The following NAP1L1 variants were observed in gnomAD, a reference collection of about 807,000 sequenced individuals.
The protein encoded by NAP1L1 is nucleosome assembly protein 1 like 1, also known as nucleosome assembly protein 1-like 1.
In NAP1L1, 9 loss-of-function variants were observed where a neutral mutation model predicts 58.9. The observed-to-expected ratio is 0.15, with a 90% CI of 0.09 to 0.27. The LOEUF is 0.27. NAP1L1 is among the 10% of genes least tolerant of loss of function. The probability of loss-of-function intolerance (pLI) is 1.00; values close to 1 mark genes in which losing one functional copy is unlikely to be tolerated. For missense variants in NAP1L1, 302 were observed against 458.8 expected (o/e 0.66, Z 3.12); for synonymous variants, 130 against 138.3 (o/e 0.94, Z 0.42).
intron 6 of NAP1L1, 66 bp from the exon 7 acceptor site, chr12:76,056,227 T>A: frequency 6.6e-7 from 1 of 1,505,002 alleles, no homozygotes; most frequent in Non-Finnish European, 9.0e-7. Context: ...GTAGCAAAGG[T>A]ATAAAAACCA....
intron 3 of NAP1L1, among the ~76,000 whole-genome samples, chr12:76,068,369 G>A (rs1284713695): frequency 6.6e-6 from 1 of 152,062 alleles, no homozygotes; most frequent in South Asian, 2.1e-4. Context: ...AAAATGAAAA[G>A]CTGAGTCATC....
At chr12:76,048,919 A>C (rs2136950225) in intron 14 of NAP1L1, 1 of 475,632 alleles carries the variant, frequency 2.1e-6, no homozygotes, top group South Asian at 3.2e-5. Context: ...AATGCTTAAA[A>C]ACTGTTACAA....
chr12:76,074,994 G>A (rs900732693), intron 1 of NAP1L1, among the ~76,000 whole-genome samples: 3 of 152,154 alleles, frequency 2.0e-5, no homozygotes, highest in Non-Finnish European at 4.4e-5. Flanking sequence ...GATATCCTAA[G>A]TTCCTTCTCA....
intron 4 of NAP1L1, among the ~76,000 whole-genome samples, chr12:76,067,083 T>G (rs184830888): frequency 1.2e-4 from 18 of 152,272 alleles, no homozygotes; most frequent in Admixed American, 1.2e-3. Flanking sequence ...ATAAGAAATC[T>G]GTATTTCTTC....
At chr12:76,071,386 T>C (rs918601649) in intron 2 of NAP1L1, among the ~76,000 whole-genome samples, 2 of 152,120 alleles carry the variant, frequency 1.3e-5, no homozygotes, top group South Asian at 4.1e-4. Context: ...AAAATGAGAG[T>C]TGCAAAGTTA....
intron 4 of NAP1L1, chr12:76,061,200 G>A (rs1220161266): frequency 1.4e-5 from 3 of 211,172 alleles, no homozygotes; most frequent in South Asian, 5.0e-5. Flanking sequence ...TGTATGTGAA[G>A]GTTTGCTATA....
At chr12:76,061,067 C>G (rs1055623251) in intron 4 of NAP1L1, 2 of 437,886 alleles carry the variant, frequency 4.6e-6, no homozygotes, top group Non-Finnish European at 9.1e-6. Flanking sequence ...TGCACTCCAG[C>G]CTGGCTGACA....
intron 2 of NAP1L1, among the ~76,000 whole-genome samples, chr12:76,071,457 T>C (rs1230207923): frequency 6.6e-6 from 1 of 152,194 alleles, no homozygotes; most frequent in Admixed American, 6.5e-5. Context: ...ACTAAAATTA[T>C]GATAAAGGGT....
intron 2 of NAP1L1, among the ~76,000 whole-genome samples, chr12:76,072,312 AAAAC>A (rs1949989560): frequency 6.6e-6 from 1 of 151,610 alleles, no homozygotes; most frequent in Admixed American, 6.6e-5. Flanking sequence ...AAAAAAAAAA[AAAAC>A]AAAAAAACAG....
At position 76,046,050 on chromosome 12, in the gene NAP1L1, A is replaced by G. The variant is rs545077040; in HGVS notation, c.*2379T>C. The G allele has an allele frequency of 6.6e-6, 1 of 152,134 alleles. No individual in the cohort carries two copies. The highest frequency in any genetic ancestry group is 1.9e-4 in the East Asian group (1 of 5,186). 9.4% of individuals were successfully genotyped at this position (152,134 alleles called of 1,614,324 possible). A position where few individuals can be genotyped will look rare whatever the true frequency, so the allele number is the denominator to read the frequency against. On this transcript the variant is annotated 3_prime_UTR_variant, in exon 15 of 15. Coordinates refer to ENST00000618691, the MANE Select transcript of NAP1L1 (RefSeq NM_004537.7). ...ATTGTGAGGTTGCTCTTAAAATTATATATTTACAGAACATAGTGGCCTCAG... is the reference window on the plus strand; with the variant it reads ...ATTGTGAGGTTGCTCTTAAAATTATGTATTTACAGAACATAGTGGCCTCAG...
At chr12:76,050,179 G>A (rs914798510) in intron 12 of NAP1L1, among the ~76,000 whole-genome samples, 1 of 152,104 alleles carries the variant, frequency 6.6e-6, no homozygotes, top group African/African-American at 2.4e-5. Flanking sequence ...ATACTACCTT[G>A]AATAGAAATT....
At chr12:76,084,380 C>T (rs923291080) in intron 1 of NAP1L1, among the ~76,000 whole-genome samples, 187 bp downstream of exon 1, 2 of 152,122 alleles carry the variant, frequency 1.3e-5, no homozygotes, top group Admixed American at 6.5e-5. Context: ...CCCCGGGGCC[C>T]CTCTCAGGCT....
intron 9 of NAP1L1, 55 bp downstream of exon 9, chr12:76,053,715 C>G: frequency 6.4e-7 from 1 of 1,566,192 alleles, no homozygotes; most frequent in Admixed American, 1.9e-5. Context: ...GTATACAAAT[C>G]AAGTATAACA....
intron 12 of NAP1L1, 110 bp from the exon 13 acceptor site, chr12:76,049,895 C>T: frequency 2.5e-6 from 3 of 1,192,584 alleles, no homozygotes; most frequent in Non-Finnish European, 3.7e-6. Flanking sequence ...AGAAAACCTA[C>T]TTTCCTATCA....
At chr12:76,076,571 T>G (rs1330014624) in intron 1 of NAP1L1, among the ~76,000 whole-genome samples, 3 of 125,676 alleles carry the variant, frequency 2.4e-5, no homozygotes, top group Non-Finnish European at 3.5e-5. Context: ...TATATATATA[T>G]ATATATATAT....
chr12:76,061,644 G>T (rs1372011384), intron 4 of NAP1L1, among the ~76,000 whole-genome samples: 2 of 152,060 alleles, frequency 1.3e-5, no homozygotes, highest in Non-Finnish European at 2.9e-5. Context: ...AACAATAAAT[G>T]TTCACACTTA....
intron 13 of NAP1L1, 157 bp downstream of exon 13, chr12:76,049,599 C>T: frequency 6.6e-7 from 1 of 1,511,570 alleles, no homozygotes; most frequent in Non-Finnish European, 8.9e-7. Flanking sequence ...AAACCTTATA[C>T]ATACATTGTT....
At chr12:76,057,610 G>C (rs1294764803) in intron 6 of NAP1L1, 2 of 1,198,392 alleles carry the variant, frequency 1.7e-6, no homozygotes, top group Non-Finnish European at 2.4e-6. Flanking sequence ...CAAGTTAGAT[G>C]CTGATTACCT....
rs1948653076 is a variant in NAP1L1, at chr12:76,047,939, A to G, written c.*490T>C. On this transcript the variant is annotated 3_prime_UTR_variant, in exon 15 of 15. Transcript: ENST00000618691. ...GTGGTCATACTGGAAATTCTTAACC[A>G]TATAGTTGTCTTGCCAATTTTTTTT... is the stretch of plus-strand genomic sequence containing the variant. 6.5e-6 allele frequency: 1 copy of G among 154,798 alleles called. No homozygotes were observed. The highest frequency in any genetic ancestry group is 2.0e-4 in the South Asian group (1 of 4,956). The allele number at this position is 154,798 out of a possible 1,614,324, so 9.6% of individuals were successfully genotyped here.
Sources: gnomAD v4.1 joint callset for allele counts (sites outside exome capture counted in the v4.1 genomes callset) on GRCh38, gnomAD v4.1.1 for gene constraint, MANE v1.5 for transcripts, NCBI Gene and HGNC (gene_info 2026-07-23, HGNC 2026-07-21) for gene names.